The following CLASP1 variants were observed in gnomAD, a reference collection of about 807,000 sequenced individuals.
CLASP1 encodes the protein cytoplasmic linker associated protein 1, also known as CLIP-associating protein 1.
CLASP1 carries 38 observed loss-of-function variants against 192.3 expected under a neutral mutation model. The ratio of observed to expected loss-of-function variants is 0.20; its 90% CI spans 0.15 to 0.26. The LOEUF is 0.26. CLASP1 is among the 10% of genes least tolerant of loss of function. The pLI is 1.00. For missense variants in CLASP1, 1,433 were observed against 1,932.5 expected (o/e 0.74, Z 4.85); for synonymous variants, 691 against 712.8 (o/e 0.97, Z 0.49).
intron 7 of CLASP1, among the ~76,000 whole-genome samples, chr2:121,512,249 C>A (rs2094159364): frequency 1.3e-5 from 2 of 152,128 alleles, no homozygotes; most frequent in South Asian, 4.1e-4. Flanking sequence ...CAACACTCTG[C>A]AAACTAAAAT....
At chr2:121,633,817 T>C (rs2070269259) in intron 1 of CLASP1, among the ~76,000 whole-genome samples, 1 of 151,834 alleles carries the variant, frequency 6.6e-6, no homozygotes, top group South Asian at 2.1e-4. Context: ...CCATCCTGGC[T>C]AACACAGTGA....
chr2:121,633,028 A>ATATATATATATATATATATAT (rs71398039), intron 1 of CLASP1, among the ~76,000 whole-genome samples: 8 of 137,538 alleles, frequency 5.8e-5, no homozygotes, highest in African/African-American at 1.5e-4. Context: ...ATATATATAT[A>ATATATATATATATATATATAT]GGCTTTTTTT....
At chr2:121,569,432 G>C (rs966581420) in intron 2 of CLASP1, among the ~76,000 whole-genome samples, 2 of 152,268 alleles carry the variant, frequency 1.3e-5, no homozygotes, top group Non-Finnish European at 2.9e-5. Context: ...GAGACAGCTA[G>C]GGCTAGGCCT....
intron 8 of CLASP1, among the ~76,000 whole-genome samples, chr2:121,499,818 A>T (rs1413501230): frequency 6.6e-6 from 1 of 151,906 alleles, no homozygotes; most frequent in Non-Finnish European, 1.5e-5. Context: ...TCTGGGAAAA[A>T]AAAAAAAGAT....
chr2:121,384,635 G>A (rs562450828), intron 32 of CLASP1, among the ~76,000 whole-genome samples: 83 of 152,222 alleles, frequency 5.5e-4, no homozygotes, highest in African/African-American at 1.8e-3. Flanking sequence ...CAGGTGTGGC[G>A]GCTCATGCCT....
intron 19 of CLASP1, 39 bp downstream of exon 19, chr2:121,447,298 A>G (rs1355639165): frequency 6.5e-7 from 1 of 1,540,092 alleles, no homozygotes; most frequent in East Asian, 2.4e-5. Flanking sequence ...TCTCTTGCAG[A>G]GCAGTGCAGG....
chr2:121,430,088 C>A, exon 20 of CLASP1: 3 of 1,567,302 alleles, frequency 1.9e-6, no homozygotes, highest in Non-Finnish European at 2.6e-6. Flanking sequence ...GACTGTGAAA[C>A]CACTTTAGCG....
At chr2:121,487,373 A>G (rs2093041131) in intron 8 of CLASP1, among the ~76,000 whole-genome samples, 1 of 152,050 alleles carries the variant, frequency 6.6e-6, no homozygotes, top group South Asian at 2.1e-4. Flanking sequence ...AACAGTGAAA[A>G]AGATTTTCTT....
chr2:121,426,752 T>C lies in CLASP1; in HGVS notation c.2044+652A>G, dbSNP rs571315640. Among the ~76,000 whole-genome samples the C allele has an allele frequency of 3.9e-5, 6 of 152,318 alleles. No individual in the cohort carries two copies. The East Asian group carries it at 1.2e-3, about 29-fold the overall frequency. ...AACAAATAATATGGCTGATAATTTT[T>C]ATTAATAGGTAAGTAGCTAGATACA... is the stretch of plus-strand genomic sequence containing the variant. On this transcript the variant is annotated intron_variant, in intron 21 of 39. Transcript: ENST00000263710.
chr2:121,620,643 C>T (rs750200427), intron 1 of CLASP1, among the ~76,000 whole-genome samples: 1 of 152,144 alleles, frequency 6.6e-6, no homozygotes, highest in Non-Finnish European at 1.5e-5. Context: ...CCACCACGCC[C>T]GGCCTTGACT....
chr2:121,505,592 G>A (rs2093920439), intron 7 of CLASP1, among the ~76,000 whole-genome samples: 1 of 152,016 alleles, frequency 6.6e-6, no homozygotes, highest in African/African-American at 2.4e-5. Context: ...TCTCTCTTGG[G>A]ACCTACTGAT....
Position 121,540,404 on chromosome 2 carries a change from G to A in CLASP1, c.196-10079C>T, listed in dbSNP as rs148470728. ...TACAGTCCCAGCTACTTGGGAGGCT[G>A]AGGCTGGATGATCGCTTAAGCCCAG... is the stretch of plus-strand genomic sequence containing the variant. On this transcript the variant is annotated intron_variant, in intron 2 of 39. Transcript: ENST00000263710. Among the ~76,000 whole-genome samples the A allele has an allele frequency of 7.3e-4, 111 of 152,316 alleles. 1 individual carries two copies. Among genetic ancestry groups the A allele is most frequent in the African/African-American group, 2.5e-3 (102 of 41,574 alleles).
chr2:121,612,743 A>G (rs894168798), intron 1 of CLASP1, among the ~76,000 whole-genome samples: 14 of 152,230 alleles, frequency 9.2e-5, no homozygotes, highest in Admixed American at 8.5e-4. Context: ...CAGGTCTATT[A>G]GTCTATTATA....
intron 2 of CLASP1, among the ~76,000 whole-genome samples, chr2:121,598,700 T>C (rs1475336357): frequency 6.6e-6 from 1 of 152,104 alleles, no homozygotes; most frequent in Non-Finnish European, 1.5e-5. Flanking sequence ...CCCTGCAGGG[T>C]TGTTATAAAG....
intron 1 of CLASP1, among the ~76,000 whole-genome samples, chr2:121,611,925 C>T (rs1440794099): frequency 3.6e-5 from 3 of 84,140 alleles, no homozygotes; most frequent in South Asian, 4.0e-4. Flanking sequence ...AGGTTGATGA[C>T]GAGTTGTTAC....
intron 2 of CLASP1, among the ~76,000 whole-genome samples, chr2:121,604,374 G>C (rs1282576589): frequency 6.6e-6 from 1 of 152,194 alleles, no homozygotes; most frequent in Non-Finnish European, 1.5e-5. Flanking sequence ...AGAGTTTAAA[G>C]ACAGGTAGGA....
chr2:121,463,557 G>A (rs2088610080), intron 9 of CLASP1, among the ~76,000 whole-genome samples: 1 of 152,178 alleles, frequency 6.6e-6, no homozygotes. Context: ...CCATTGAGCA[G>A]ATAGGCCCTG....
intron 1 of CLASP1, among the ~76,000 whole-genome samples, chr2:121,621,100 T>TC (rs2067267826): frequency 6.6e-6 from 1 of 151,960 alleles, no homozygotes; most frequent in Non-Finnish European, 1.5e-5. Flanking sequence ...ATGCTTGTAG[T>TC]CCCAGCCACT....
rs566992479 is a variant in CLASP1 at position 121,516,810 on chromosome 2, C to T, written c.547-1048G>A. Among the ~76,000 whole-genome samples, 3 of 152,208 alleles carry T rather than the reference C, an allele frequency of 2.0e-5. No homozygotes were observed. The South Asian group carries it at 6.2e-4, about 32-fold the overall frequency. ...TTGGGAGGCCGAAGCGGGCAGATCA[C>T]GAGGTCTGGAGTTCAAGACCAGCCT... On this transcript the variant is annotated intron_variant, in intron 6 of 39. Coordinates refer to ENST00000263710, the Ensembl canonical transcript of CLASP1.
Sources: allele counts gnomAD v4.1 joint callset (sites outside exome capture counted in the v4.1 genomes callset), GRCh38; gene constraint gnomAD v4.1.1; transcripts MANE v1.5; gene names NCBI Gene and HGNC (gene_info 2026-07-23, HGNC 2026-07-21).